GDPD1: variants seen among roughly 807,000 people sequenced by gnomAD.
GDPD1 encodes lysophospholipase D GDPD1.
In GDPD1, 28 loss-of-function variants were observed where a neutral mutation model predicts 45.1. The observed-to-expected ratio is 0.62, with a 90% CI of 0.46 to 0.85. The LOEUF (loss-of-function observed/expected upper bound fraction) is 0.85, where lower values mean the gene tolerates loss of function less well. GDPD1 is among the 40% of genes least tolerant of loss of function. The pLI, the probability that GDPD1 is intolerant of heterozygous loss-of-function variation, is 0.00. For synonymous variants in GDPD1, 139 were observed against 131.4 expected (o/e 1.06, Z -0.40); for missense variants, 256 against 364.8 (o/e 0.70, Z 2.43).
chr17:59,240,332 A>G (rs1432954001), intron 2 of GDPD1, among the ~76,000 whole-genome samples: 1 of 151,950 alleles, frequency 6.6e-6, no homozygotes, highest in Non-Finnish European at 1.5e-5. Context: ...AATAGAAAAA[A>G]ACTTACATAA....
chr17:59,223,751 T>C (rs1817205319), intron 1 of GDPD1, among the ~76,000 whole-genome samples: 1 of 152,210 alleles, frequency 6.6e-6, no homozygotes, highest in Non-Finnish European at 1.5e-5. Flanking sequence ...TCTACTCTAT[T>C]TCTAGAATAT....
rs1005149606 is a variant in GDPD1, at chr17:59,273,912, G to A, written c.*139G>A. The A allele has an allele frequency of 6.7e-6, 7 of 1,038,202 alleles. No homozygotes were observed. In the African/African-American group the frequency reaches 1.0e-4, roughly 15 times the overall value. 64.3% of individuals were successfully genotyped at this position (1,038,202 alleles called of 1,614,324 possible). A position where few individuals can be genotyped will look rare whatever the true frequency, so the allele number is the denominator to read the frequency against. The stretch of plus-strand genomic sequence containing the variant: ...TTACCTCATTTTTAAGCCTGTATGA[G>A]AATGTAGAAACTATATATTATATGT... On this transcript the variant is annotated 3_prime_UTR_variant, in exon 10 of 10. Coordinates refer to ENST00000284116, the MANE Select transcript of GDPD1 (RefSeq NM_182569.4).
Position 59,274,128 on chromosome 17 carries a change from G to A in GDPD1, c.*355G>A, listed in dbSNP as rs989521719. On this transcript the variant is annotated 3_prime_UTR_variant, in exon 10 of 10. Transcript: ENST00000284116. ...TACAGAAATCTTGATCAATAACCTA[G>A]AAACTAGGTTATCTAGGTTATTGAT... The A allele has an allele frequency of 1.2e-6, 1 of 846,880 alleles. No individual in the cohort carries two copies. Among genetic ancestry groups the A allele is most frequent in the Admixed American group, 6.3e-5 (1 of 15,924 alleles). 52.5% of individuals were successfully genotyped at this position (846,880 alleles called of 1,614,324 possible).
chr17:59,231,452 G>A lies in GDPD1; in HGVS notation c.143-3040G>A, dbSNP rs955827103. Among the ~76,000 whole-genome samples the A allele has an allele frequency of 4.1e-5, 6 of 146,524 alleles. No individual in the cohort carries two copies. In the South Asian group the frequency reaches 6.6e-4, roughly 16 times the overall value. On this transcript the variant is annotated intron_variant, in intron 1 of 9. Transcript: ENST00000284116. ...CGCCATTCTCCTGCCTCAGCCTCCC[G>A]AGTAGCTGGGACTACAGGCACCCAC...
At chr17:59,255,789 G>GTA (rs1335908709) in intron 4 of GDPD1, among the ~76,000 whole-genome samples, 2 of 38,844 alleles carry the variant, frequency 5.1e-5, no homozygotes, top group Non-Finnish European at 8.2e-5. Flanking sequence ...ATATATACGC[G>GTA]TATATATGTA....
intron 7 of GDPD1, among the ~76,000 whole-genome samples, chr17:59,269,484 C>T (rs1043066460): frequency 6.8e-6 from 1 of 147,466 alleles, no homozygotes; most frequent in Non-Finnish European, 1.5e-5. Context: ...TACCCCCCCC[C>T]CCAAAAAACA....
rs191030243 is a variant in GDPD1 at position 59,252,193 on chromosome 17, C to A, written c.367+3408C>A. Among the ~76,000 whole-genome samples, 175 of 151,918 alleles carry A rather than the reference C, an allele frequency of 1.2e-3. 1 individual carries two copies. Among genetic ancestry groups the A allele is most frequent in the Non-Finnish European group, 1.8e-3 (124 of 67,964 alleles). On this transcript the variant is annotated intron_variant, in intron 4 of 9. Transcript: ENST00000284116. ...ATCACTTGAGGTTAGGAGTTTGAGACCAGCTTGGCCAACATGGCGAAACCC... is the reference window on the plus strand; with the variant it reads ...ATCACTTGAGGTTAGGAGTTTGAGAACAGCTTGGCCAACATGGCGAAACCC...
chr17:59,263,239 C>T (rs1310346785), intron 6 of GDPD1, among the ~76,000 whole-genome samples: 2 of 151,762 alleles, frequency 1.3e-5, no homozygotes, highest in South Asian at 4.2e-4. Flanking sequence ...TCTGTATTGC[C>T]CAGGCTGGTC....
intron 1 of GDPD1, among the ~76,000 whole-genome samples, chr17:59,227,042 C>CT: frequency 6.6e-6 from 1 of 152,128 alleles, no homozygotes; most frequent in East Asian, 1.9e-4. Context: ...AAGAAATTGA[C>CT]TGTTTTTCCA....
intron 4 of GDPD1, among the ~76,000 whole-genome samples, chr17:59,249,383 G>T (rs574722953): frequency 6.6e-6 from 1 of 151,736 alleles, no homozygotes; most frequent in African/African-American, 2.4e-5. Context: ...CAACAAGAGC[G>T]AAACTCTGTC....
intron 1 of GDPD1, among the ~76,000 whole-genome samples, chr17:59,228,717 TAA>T (rs879663634): frequency 2.1e-5 from 3 of 140,960 alleles, no homozygotes; most frequent in African/African-American, 7.8e-5. Context: ...ACCCTGTCTC[TAA>T]AAAAAAAAAA....
At chr17:59,225,644 TACTTTAAA>T (rs1247954515) in intron 1 of GDPD1, among the ~76,000 whole-genome samples, 2 of 151,950 alleles carry the variant, frequency 1.3e-5, no homozygotes, top group Non-Finnish European at 2.9e-5. Context: ...TGGAGGGAGA[TACTTTAAA>T]ACTACACAAA....
At position 59,274,940 on chromosome 17, in the gene GDPD1, C is replaced by T. The variant is rs985413723; in HGVS notation, c.*1167C>T. On this transcript the variant is annotated 3_prime_UTR_variant, in exon 10 of 10. Transcript: ENST00000284116. Reference sequence around the variant, plus strand: ...CACTGCAACCTCTGCCTCCCAGGTTCCAGCAATTCTCCTGCCTCTGCCTCC... The same window carrying T: ...CACTGCAACCTCTGCCTCCCAGGTTTCAGCAATTCTCCTGCCTCTGCCTCC... Among the ~76,000 whole-genome samples, 9 of 150,428 alleles carry T rather than the reference C, an allele frequency of 6.0e-5. No homozygotes were observed. The highest frequency in any genetic ancestry group is 1.2e-4 in the Non-Finnish European group (8 of 67,740).
intron 7 of GDPD1, among the ~76,000 whole-genome samples, chr17:59,269,293 A>AAAAAG (rs563475081): frequency 0.011 from 1,723 of 152,120 alleles, 42 homozygotes; most frequent in African/African-American, 0.039. Flanking sequence ...CTCTGTCTCA[A>AAAAAG]AAAAGAAAAG....
chr17:59,266,589 G>A (rs977804078), intron 6 of GDPD1, among the ~76,000 whole-genome samples: 5 of 151,922 alleles, frequency 3.3e-5, no homozygotes, highest in Non-Finnish European at 7.4e-5. Context: ...TCATAACATA[G>A]CTAAAAGATG....
chr17:59,255,830 CGTAT>C (rs1335208498), intron 4 of GDPD1, among the ~76,000 whole-genome samples: 3 of 32,654 alleles, frequency 9.2e-5, no homozygotes, highest in Non-Finnish European at 1.5e-4. Flanking sequence ...TATATATACG[CGTAT>C]ATATATATAT....
At chr17:59,239,143 A>G (rs1395403598) in intron 2 of GDPD1, among the ~76,000 whole-genome samples, 1 of 152,242 alleles carries the variant, frequency 6.6e-6, no homozygotes, top group African/African-American at 2.4e-5. Context: ...AGAGTAATTA[A>G]TCAGTGACCT....
intron 5 of GDPD1, among the ~76,000 whole-genome samples, 190 bp from the exon 6 acceptor site, chr17:59,257,557 TTAAA>T (rs1475056322): frequency 3.3e-5 from 5 of 152,250 alleles, no homozygotes; most frequent in Non-Finnish European, 5.9e-5. Context: ...CTCTATTCTG[TTAAA>T]TAAATTATAT....
At chr17:59,261,892 C>G (rs2047358243) in intron 6 of GDPD1, among the ~76,000 whole-genome samples, 1 of 148,368 alleles carries the variant, frequency 6.7e-6, no homozygotes. Flanking sequence ...TCTCGTTTTC[C>G]CAAAGTGCTG....
Sources: allele counts gnomAD v4.1 joint callset (sites outside exome capture counted in the v4.1 genomes callset), GRCh38; gene constraint gnomAD v4.1.1; transcripts MANE v1.5; gene names NCBI Gene and HGNC (gene_info 2026-07-23, HGNC 2026-07-21).